PDE4D: variants seen among roughly 807,000 people sequenced by gnomAD.
PDE4D encodes phosphodiesterase 4D.
A neutral mutation model predicts 87.4 loss-of-function variants in PDE4D; 24 were observed. The observed-to-expected ratio is 0.27, with a 90% CI of 0.20 to 0.39. The LOEUF is 0.39. PDE4D is among the 10% of genes least tolerant of loss of function. The probability of loss-of-function intolerance (pLI) is 1.00; values close to 1 mark genes in which losing one functional copy is unlikely to be tolerated. For synonymous variants in PDE4D, 384 were observed against 383.2 expected (o/e 1.00, Z -0.02); for missense variants, 714 against 1,041.0 (o/e 0.69, Z 4.32).
chr5:59,178,007 G>A (rs751964936), intron 5 of PDE4D, among the ~76,000 whole-genome samples: 2 of 152,120 alleles, frequency 1.3e-5, no homozygotes, highest in Non-Finnish European at 2.9e-5. Flanking sequence ...CAACTTCAGG[G>A]GGAGTGAGCC....
rs187198614 is a variant in PDE4D at position 59,692,280 on chromosome 5, G to A, written c.455+200888C>T. Among the ~76,000 whole-genome samples, 203 of 152,170 alleles carry A rather than the reference G, an allele frequency of 1.3e-3. 1 individual carries two copies. Among genetic ancestry groups the A allele is most frequent in the African/African-American group, 4.3e-3 (177 of 41,542 alleles). ...CTTCTTGGGAGGGTCTTAAGGATCC[G>A]CTTTTTATTGTTGTATTCTTTGTTC... On this transcript the variant is annotated intron_variant, in intron 1 of 14. Coordinates refer to ENST00000340635, the MANE Select transcript of PDE4D (RefSeq NM_001104631.2).
chr5:59,550,912 G>C (rs1818009532), intron 1 of PDE4D, among the ~76,000 whole-genome samples: 1 of 151,944 alleles, frequency 6.6e-6, no homozygotes, highest in African/African-American at 2.4e-5. Flanking sequence ...TGGTCAGGCT[G>C]GTCTCAAACT....
chr5:59,207,833 G>GA (rs564060693), intron 2 of PDE4D, among the ~76,000 whole-genome samples: 2 of 151,478 alleles, frequency 1.3e-5, no homozygotes, highest in South Asian at 4.2e-4. Flanking sequence ...ACAGGAGTGA[G>GA]AAAAACTCAC....
chr5:59,403,171 A>G (rs1790988865), intron 1 of PDE4D, among the ~76,000 whole-genome samples: 1 of 76,930 alleles, frequency 1.3e-5, no homozygotes, highest in Non-Finnish European at 2.8e-5. Flanking sequence ...ACAGACAGAC[A>G]GACAGATAGA....
chr5:59,806,870 A>G (rs1767795472), intron 1 of PDE4D, among the ~76,000 whole-genome samples: 1 of 152,252 alleles, frequency 6.6e-6, no homozygotes, highest in African/African-American at 2.4e-5. Flanking sequence ...AACAATATAT[A>G]GACAATGAAA....
At chr5:59,776,905 G>C (rs1363513325) in intron 1 of PDE4D, among the ~76,000 whole-genome samples, 2 of 151,798 alleles carry the variant, frequency 1.3e-5, no homozygotes, top group Non-Finnish European at 2.9e-5. Flanking sequence ...ATATGGAGCT[G>C]GGTTGAATAC....
At chr5:59,980,244 C>T (rs1323700336) in intron 3 of PDE4D, among the ~76,000 whole-genome samples, 3 of 152,098 alleles carry the variant, frequency 2.0e-5, no homozygotes, top group Non-Finnish European at 4.4e-5. Flanking sequence ...TCAGCCAGGG[C>T]AGTGTTTGTT....
chr5:59,016,382 A>T (rs1425620078), intron 6 of PDE4D, among the ~76,000 whole-genome samples: 2 of 134,686 alleles, frequency 1.5e-5, no homozygotes, highest in Non-Finnish European at 1.6e-5. Context: ...CTAGATTATC[A>T]GTCTGTTCTT....
At chr5:59,445,086 A>G (rs997619868) in intron 1 of PDE4D, among the ~76,000 whole-genome samples, 1 of 152,120 alleles carries the variant, frequency 6.6e-6, no homozygotes, top group Non-Finnish European at 1.5e-5. Flanking sequence ...TGTCCTTCCC[A>G]CCACAATTTA....
At chr5:59,579,585 A>G (rs916834902) in intron 1 of PDE4D, among the ~76,000 whole-genome samples, 18 of 152,212 alleles carry the variant, frequency 1.2e-4, no homozygotes, top group Non-Finnish European at 2.4e-4. Context: ...TCTCAAAACC[A>G]TTTCATCTGT....
intron 1 of PDE4D, among the ~76,000 whole-genome samples, chr5:60,381,222 T>G (rs1761834306): frequency 1.3e-5 from 2 of 152,294 alleles, no homozygotes; most frequent in South Asian, 4.1e-4. Flanking sequence ...GTCATACAGG[T>G]GCTGCATGAC....
At chr5:59,164,814 G>T (rs2153468198) in intron 5 of PDE4D, 1 of 152,258 alleles carries the variant, frequency 6.6e-6, no homozygotes, top group South Asian at 2.1e-4. Flanking sequence ...CGAAGTGAAT[G>T]GCTACGCAGA....
intron 1 of PDE4D, among the ~76,000 whole-genome samples, chr5:59,296,433 A>G (rs1769112950): frequency 6.6e-6 from 1 of 152,028 alleles, no homozygotes; most frequent in African/African-American, 2.4e-5. Context: ...AAAATCCTGC[A>G]TTGTTACTCT....
At chr5:59,327,158 C>T (rs1016305555) in intron 1 of PDE4D, among the ~76,000 whole-genome samples, 2 of 149,864 alleles carry the variant, frequency 1.3e-5, no homozygotes, top group Non-Finnish European at 3.0e-5. Flanking sequence ...CACACACACA[C>T]ACACACACAC....
chr5:60,455,813 T>G (rs7734108), intron 1 of PDE4D, among the ~76,000 whole-genome samples: 26,965 of 152,060 alleles, frequency 0.18, 3,877 homozygotes, highest in African/African-American at 0.39. Flanking sequence ...AGGAGGCCAT[T>G]CAAGGACCTC....
At chr5:59,763,560 C>T (rs947287055) in intron 1 of PDE4D, among the ~76,000 whole-genome samples, 2 of 152,074 alleles carry the variant, frequency 1.3e-5, no homozygotes, top group African/African-American at 4.8e-5. Flanking sequence ...GGCCTTACAC[C>T]CCAAAACTGT....
chr5:59,516,493 C>T (rs1811175668), intron 1 of PDE4D, among the ~76,000 whole-genome samples: 4 of 152,124 alleles, frequency 2.6e-5, no homozygotes, highest in Non-Finnish European at 1.5e-5. Flanking sequence ...GTTTTCCTCC[C>T]TATTGCTCTA....
chr5:60,520,911 GT>G (rs1301194415), intron 1 of PDE4D: 3 of 152,466 alleles, frequency 2.0e-5, no homozygotes, highest in Non-Finnish European at 4.4e-5. Context: ...CAGAGTCTCT[GT>G]GGGCCTCCCT....
intron 5 of PDE4D, chr5:59,125,247 C>G (rs1775215597): frequency 1.0e-6 from 1 of 982,282 alleles, no homozygotes. Context: ...CTTGCTTCTT[C>G]CCTATGAAGT....
Sources: gnomAD v4.1 joint callset for allele counts (sites outside exome capture counted in the v4.1 genomes callset) on GRCh38, gnomAD v4.1.1 for gene constraint, MANE v1.5 for transcripts, NCBI Gene and HGNC (gene_info 2026-07-23, HGNC 2026-07-21) for gene names.